CPA6: variants seen among roughly 807,000 people sequenced by gnomAD.
The protein encoded by CPA6 is carboxypeptidase B.
CPA6 carries 58 observed loss-of-function variants against 63.3 expected under a neutral mutation model. The ratio of observed to expected loss-of-function variants is 0.92; its 90% CI spans 0.74 to 1.14. The LOEUF (loss-of-function observed/expected upper bound fraction) is 1.14, where lower values mean the gene tolerates loss of function less well. CPA6 is among the 50% of genes most tolerant of loss of function. CPA6 has a pLI of 0.00. For synonymous variants in CPA6, 185 were observed against 179.0 expected (o/e 1.03, Z -0.27); for missense variants, 565 against 526.6 (o/e 1.07, Z -0.71).
chr8:67,722,054 T>C (rs1817511373), intron 1 of CPA6, among the ~76,000 whole-genome samples: 1 of 152,234 alleles, frequency 6.6e-6, no homozygotes. Flanking sequence ...GTATGTCATA[T>C]TCCTTTCTCT....
chr8:67,649,072 A>C (rs773040826), intron 1 of CPA6, among the ~76,000 whole-genome samples: 1 of 152,122 alleles, frequency 6.6e-6, no homozygotes, highest in Non-Finnish European at 1.5e-5. Flanking sequence ...TGCACAGTTC[A>C]CACAGAAGGC....
At chr8:67,480,895 T>C (rs561548322) in intron 8 of CPA6, among the ~76,000 whole-genome samples, 1 of 152,300 alleles carries the variant, frequency 6.6e-6, no homozygotes, top group Non-Finnish European at 1.5e-5. Flanking sequence ...TATTGTGGTT[T>C]TGATGTACAT....
At chr8:67,664,362 A>G (rs1252085521) in intron 1 of CPA6, among the ~76,000 whole-genome samples, 1 of 152,230 alleles carries the variant, frequency 6.6e-6, no homozygotes, top group Non-Finnish European at 1.5e-5. Flanking sequence ...AAAGGCAATA[A>G]GATGGTAAAA....
chr8:67,475,948 GTCTT>G (rs1297776402), intron 8 of CPA6, among the ~76,000 whole-genome samples: 22 of 99,854 alleles, frequency 2.2e-4, no homozygotes, highest in African/African-American at 7.8e-4. Context: ...TTCTTTCTCT[GTCTT>G]TCTTTCTCTT....
chr8:67,469,451 C>A lies in CPA6; in HGVS notation c.838+14317G>T, dbSNP rs541695521. ...TGAAACCCTGTCTCTACTAAAAATA[C>A]GAAAATTAGCTGGACGTGGTGGTGC... On this transcript the variant is annotated intron_variant, in intron 8 of 10. Coordinates refer to ENST00000297770, the MANE Select transcript of CPA6 (RefSeq NM_020361.5). Among the ~76,000 whole-genome samples the A allele has an allele frequency of 2.6e-5, 4 of 152,152 alleles. No homozygotes were observed. In the South Asian group the frequency reaches 8.3e-4, roughly 32 times the overall value.
chr8:67,589,978 T>C (rs1041235532), intron 2 of CPA6, among the ~76,000 whole-genome samples: 26 of 151,934 alleles, frequency 1.7e-4, no homozygotes, highest in African/African-American at 5.8e-4. Context: ...CATGCTGGTG[T>C]GCTGCACCCA....
At chr8:67,607,232 TTCTTCTTCTTCTTC>T (rs1307893083) in intron 2 of CPA6, among the ~76,000 whole-genome samples, 1 of 125,488 alleles carries the variant, frequency 8.0e-6, no homozygotes, top group Non-Finnish European at 1.6e-5. Flanking sequence ...CTTCTTCTTC[TTCTTCTTCTTCTTC>T]TTCTTCTCCT....
At chr8:67,669,453 A>G (rs1428567443) in intron 1 of CPA6, among the ~76,000 whole-genome samples, 1 of 152,234 alleles carries the variant, frequency 6.6e-6, no homozygotes, top group Non-Finnish European at 1.5e-5. Flanking sequence ...GAGTCTTTCT[A>G]TAACCCATCC....
chr8:67,655,893 T>G (rs1815971628), intron 1 of CPA6, among the ~76,000 whole-genome samples: 1 of 152,184 alleles, frequency 6.6e-6, no homozygotes, highest in African/African-American at 2.4e-5. Context: ...TGTCTTTGTA[T>G]AGAATTTTCC....
chr8:67,699,609 C>CA (rs1334957800), intron 1 of CPA6, among the ~76,000 whole-genome samples: 1 of 150,118 alleles, frequency 6.7e-6, no homozygotes, highest in African/African-American at 2.5e-5. Flanking sequence ...TTTCTTGAGA[C>CA]AGAGTTTCAC....
intron 1 of CPA6, among the ~76,000 whole-genome samples, chr8:67,663,440 G>A (rs1204061610): frequency 6.6e-6 from 1 of 152,008 alleles, no homozygotes; most frequent in Non-Finnish European, 1.5e-5. Flanking sequence ...CATGTGCCAC[G>A]ATGGTTTGCT....
chr8:67,475,948 GTCTTTCTTTCTCTT>G (rs1563968335), intron 8 of CPA6, among the ~76,000 whole-genome samples: 14 of 99,942 alleles, frequency 1.4e-4, no homozygotes, highest in African/African-American at 4.9e-4. Context: ...TTCTTTCTCT[GTCTTTCTTTCTCTT>G]TCTCTCTCTC....
chr8:67,507,745 T>C (rs1563980217), intron 5 of CPA6, among the ~76,000 whole-genome samples: 1 of 152,050 alleles, frequency 6.6e-6, no homozygotes, highest in Non-Finnish European at 1.5e-5. Context: ...CATAAGAGTG[T>C]TATGTTGAAT....
At chr8:67,466,230 T>G (rs1174007329) in intron 8 of CPA6, among the ~76,000 whole-genome samples, 1 of 152,132 alleles carries the variant, frequency 6.6e-6, no homozygotes, top group African/African-American at 2.4e-5. Flanking sequence ...CTCTAGATTT[T>G]CTAGTTTGTG....
intron 1 of CPA6, among the ~76,000 whole-genome samples, chr8:67,636,526 T>C (rs1177851676): frequency 6.6e-6 from 1 of 151,470 alleles, no homozygotes; most frequent in South Asian, 2.1e-4. Flanking sequence ...AATATACATA[T>C]TGGCACTCCT....
chr8:67,643,993 A>G (rs534584363), intron 1 of CPA6, among the ~76,000 whole-genome samples: 1 of 152,300 alleles, frequency 6.6e-6, no homozygotes, highest in African/African-American at 2.4e-5. Context: ...AGAAAATAAG[A>G]CTTGGTTGAG....
Position 67,678,224 on chromosome 8 carries a change from GTC to G in CPA6, c.117-53975_117-53974del, listed in dbSNP as rs761520500. On this transcript the variant is annotated intron_variant, in intron 1 of 10. Transcript: ENST00000297770. ...GCCTGGGAGATAATTGTAAAACTCT[GTC>G]TCACACACACACACACACACACACA... Among the ~76,000 whole-genome samples the G allele has an allele frequency of 8.7e-3, 1,235 of 142,576 alleles. 16 individuals carry two copies. Among genetic ancestry groups the G allele is most frequent in the African/African-American group, 0.026 (1,018 of 38,810 alleles). The allele number at this position is 142,576 out of a possible 152,430, so 93.5% of individuals were successfully genotyped here. A position where few individuals can be genotyped will look rare whatever the true frequency, so the allele number is the denominator to read the frequency against.
At position 67,699,745 on chromosome 8, in the gene CPA6, G is replaced by A. The variant is rs529309788; in HGVS notation, c.116+46269C>T. Among the ~76,000 whole-genome samples the A allele has an allele frequency of 1.3e-3, 194 of 152,092 alleles. 1 individual carries two copies. Among genetic ancestry groups the A allele is most frequent in the African/African-American group, 4.5e-3 (187 of 41,512 alleles). ...TGGGATTACAGGTGTGCACCACCAT[G>A]CCCAGCTAATTTTTTGTATTTTTAG... On this transcript the variant is annotated intron_variant, in intron 1 of 10. Coordinates refer to ENST00000297770, the MANE Select transcript of CPA6 (RefSeq NM_020361.5).
intron 1 of CPA6, among the ~76,000 whole-genome samples, chr8:67,736,495 A>C (rs1476338034): frequency 6.6e-6 from 1 of 152,116 alleles, no homozygotes; most frequent in African/African-American, 2.4e-5. Context: ...ACTTTGCAGC[A>C]CTTGATATGA....
Sources: allele counts gnomAD v4.1 joint callset (sites outside exome capture counted in the v4.1 genomes callset), GRCh38; gene constraint gnomAD v4.1.1; transcripts MANE v1.5; gene names NCBI Gene and HGNC (gene_info 2026-07-23, HGNC 2026-07-21).